Variants in ZNF451 observed in about 807,000 individuals in gnomAD.
The protein encoded by ZNF451 is zinc finger protein 451.
In ZNF451, 80 loss-of-function variants were observed where a neutral mutation model predicts 107.1. The ratio of observed to expected loss-of-function variants is 0.75; its 90% CI spans 0.62 to 0.90. The LOEUF is 0.90. Ranked by LOEUF, ZNF451 falls within the 40% of genes least tolerant of loss-of-function variation. The pLI is 0.00. For missense variants in ZNF451, 1,107 were observed against 1,236.2 expected, an observed-to-expected ratio of 0.90 and a Z score of 1.57; for synonymous variants, 362 against 406.5, an observed-to-expected ratio of 0.89 and a Z score of 1.32.
At chr6:57,128,988 TA>T in intron 5 of ZNF451, 148 bp downstream of exon 5, 2 of 561,828 alleles carry the variant, frequency 3.6e-6, no homozygotes, top group Non-Finnish European at 6.1e-6. Context: ...TGGCCTACTT[TA>T]TAATGGCCTG....
At position 57,161,158 on chromosome 6, in the gene ZNF451, C is replaced by A; in HGVS notation, c.3139+6C>A. The A allele has an allele frequency of 6.8e-7, 1 of 1,472,814 alleles. No individual in the cohort carries two copies. The highest frequency in any genetic ancestry group is 1.5e-5 in the South Asian group (1 of 67,904). 91.2% of individuals were successfully genotyped at this position (1,472,814 alleles called of 1,614,324 possible). A position where few individuals can be genotyped will look rare whatever the true frequency, so the allele number is the denominator to read the frequency against. ...AGAATTTATATCCACAGAAGGTAAC[C>A]TAATAGAGTTAATCTCTTTTCTACT... On this transcript the variant is annotated splice_donor_region_variant and intron_variant, in intron 14 of 14. Coordinates refer to ENST00000370706, the MANE Select transcript of ZNF451 (RefSeq NM_001031623.3).
chr6:57,099,231 G>T, intron 3 of ZNF451, 90 bp downstream of exon 3: 1 of 1,046,440 alleles, frequency 9.6e-7, no homozygotes, highest in Non-Finnish European at 1.5e-6. Flanking sequence ...GGAAGGCTGT[G>T]TTTAGAAATA....
At chr6:57,159,089 C>T (rs1455567856) in intron 13 of ZNF451, 2 of 985,242 alleles carry the variant, frequency 2.0e-6, no homozygotes, top group Non-Finnish European at 2.4e-6. Flanking sequence ...TAGGTTGTTT[C>T]TTTGGGCACC....
At chr6:57,111,260 CTT>C (rs79811702) in intron 3 of ZNF451, among the ~76,000 whole-genome samples, 5 of 141,820 alleles carry the variant, frequency 3.5e-5, no homozygotes, top group Admixed American at 7.1e-5. Context: ...ACAGTTCATC[CTT>C]TTTTTTTTTT....
chr6:57,147,673 C>A lies in ZNF451; in HGVS notation c.1588C>A (p.Leu530Ile). 6.2e-7 allele frequency: 1 copy of A among 1,614,122 alleles called. No homozygotes were observed. The highest frequency in any genetic ancestry group is 8.5e-7 in the Non-Finnish European group (1 of 1,179,980). Residue 530 changes from leucine to isoleucine, a missense_variant, in exon 10 of 15, where the codon CTT (leucine) becomes ATT (isoleucine). Physicochemically the swap from Leu to Ile is conservative, Grantham distance 5. This residue lies in a region of ZNF451 where 608 missense variants were observed against 649.2 expected (regional missense o/e 0.94). Transcript: ENST00000370706. The part of the protein sequence containing the change: ...IHGGAHLNNF[L>I]FWCRTCKKEL... Reference sequence around the variant, plus strand: ...CGGAGGGGCACATTTAAATAACTTTCTTTTCTGGTGTCGGACATGCAAAAA... The same window carrying A: ...CGGAGGGGCACATTTAAATAACTTTATTTTCTGGTGTCGGACATGCAAAAA...
Position 57,160,159 on chromosome 6 carries a change from T to TA in ZNF451, c.3071-924dup, listed in dbSNP as rs1413486582. Among the ~76,000 whole-genome samples, 3 of 152,218 alleles carry TA rather than the reference T, an allele frequency of 2.0e-5. No homozygotes were observed. The East Asian group carries it at 5.8e-4, about 29-fold the overall frequency. On this transcript the variant is annotated intron_variant, in intron 13 of 14. Transcript: ENST00000370706. ...CAGAGTGTTTCCATGTACCCATACTTAGTTTCCCTTATTAGTAACATCTTA... is the reference window on the plus strand; with the variant it reads ...CAGAGTGTTTCCATGTACCCATACTTAAGTTTCCCTTATTAGTAACATCTTA...
At chr6:57,152,625 G>C (rs956293380) in intron 12 of ZNF451, among the ~76,000 whole-genome samples, 1 of 152,064 alleles carries the variant, frequency 6.6e-6, no homozygotes, top group African/African-American at 2.4e-5. Context: ...AGACAGTCTC[G>C]CTCTGTCACC....
chr6:57,113,867 C>T (rs980332736), intron 3 of ZNF451, among the ~76,000 whole-genome samples: 1 of 152,098 alleles, frequency 6.6e-6, no homozygotes, highest in African/African-American at 2.4e-5. Context: ...GTGATCTGCC[C>T]ACCTCGGCCT....
chr6:57,095,892 C>A (rs558404998), intron 2 of ZNF451, among the ~76,000 whole-genome samples: 1 of 151,056 alleles, frequency 6.6e-6, no homozygotes, highest in Non-Finnish European at 1.5e-5. Context: ...GGCGTGATCT[C>A]AGCTCTCTGC....
chr6:57,121,309 T>C (rs757494651), intron 3 of ZNF451, among the ~76,000 whole-genome samples: 7 of 152,198 alleles, frequency 4.6e-5, no homozygotes, highest in Admixed American at 6.5e-5. Context: ...TGAAGTCAGT[T>C]AGTGTCAGTC....
chr6:57,128,949 G>T, intron 5 of ZNF451, 109 bp downstream of exon 5: 1 of 722,572 alleles, frequency 1.4e-6, no homozygotes, highest in South Asian at 2.2e-5. Flanking sequence ...ATTAAATTTT[G>T]TTTCAGTGAT....
intron 11 of ZNF451, chr6:57,151,923 T>G (rs944550668): frequency 4.1e-6 from 1 of 241,400 alleles, no homozygotes; most frequent in African/African-American, 2.3e-5. Context: ...AAACCACTTA[T>G]GCTTACACTT....
intron 3 of ZNF451, chr6:57,109,794 G>A (rs1830029942): frequency 1.3e-6 from 1 of 795,430 alleles, no homozygotes; most frequent in Non-Finnish European, 1.5e-6. Context: ...GAGTTAGAGT[G>A]TATATGTATG....
chr6:57,109,585 TTA>T, intron 3 of ZNF451: 1 of 985,380 alleles, frequency 1.0e-6, no homozygotes, highest in African/African-American at 1.7e-5. Flanking sequence ...TACATACATT[TTA>T]AAATGTTATT....
chr6:57,101,171 A>T, intron 3 of ZNF451: 10 of 1,550,704 alleles, frequency 6.4e-6, no homozygotes, highest in Non-Finnish European at 7.8e-6. Context: ...CAGCCATCTG[A>T]CCCCAGCCAA....
At chr6:57,107,430 C>G (rs916645636) in intron 3 of ZNF451, 2 of 985,262 alleles carry the variant, frequency 2.0e-6, no homozygotes, top group Non-Finnish European at 2.4e-6. Flanking sequence ...TCCAATATCT[C>G]AAACTACTTT....
chr6:57,113,313 A>C (rs1044803041), intron 3 of ZNF451, among the ~76,000 whole-genome samples: 7 of 147,698 alleles, frequency 4.7e-5, no homozygotes. Flanking sequence ...ACATGATGTC[A>C]TTCTTTTTTT....
chr6:57,125,465 A>T lies in ZNF451; in HGVS notation c.312+606A>T, dbSNP rs555748518. ...TCCTTTAGGAGCAGAATGTTGATATATTGGGTAAAAAACTCCATACTAAAG... is the reference window on the plus strand; with the variant it reads ...TCCTTTAGGAGCAGAATGTTGATATTTTGGGTAAAAAACTCCATACTAAAG... On this transcript the variant is annotated intron_variant, in intron 4 of 14. Transcript: ENST00000370706. 2.6e-5 allele frequency among the ~76,000 whole-genome samples: 4 copies of T among 152,302 alleles called. No homozygotes were observed. The South Asian group carries it at 8.3e-4, about 32-fold the overall frequency.
intron 5 of ZNF451, among the ~76,000 whole-genome samples, chr6:57,129,305 T>A (rs1448700240): frequency 6.6e-6 from 1 of 152,184 alleles, no homozygotes; most frequent in Non-Finnish European, 1.5e-5. Context: ...ATTGGGTAGC[T>A]TCTTCGTTAC....
Sources: gnomAD v4.1 joint callset for allele counts (sites outside exome capture counted in the v4.1 genomes callset) on GRCh38, gnomAD v4.1.1 for gene constraint, gnomAD v4.1.1 regional missense constraint, MANE v1.5 for transcripts, NCBI Gene and HGNC (gene_info 2026-07-23, HGNC 2026-07-21) for gene names.